Variants in RNF38 observed in about 807,000 individuals in gnomAD.
RNF38 encodes the protein E3 ubiquitin-protein ligase RNF38.
Under a neutral mutation model 67.2 loss-of-function variants are expected in RNF38, and 15 were observed. The observed-to-expected ratio is 0.22, with a 90% CI of 0.15 to 0.34. The LOEUF is 0.34. Among genes scored for constraint, RNF38 ranks in the 10% least tolerant of loss-of-function variants. The pLI, the probability that RNF38 is intolerant of heterozygous loss-of-function variation, is 1.00. For synonymous variants in RNF38, 220 were observed against 218.8 expected, an observed-to-expected ratio of 1.01 and a Z score of -0.05; for missense variants, 524 against 639.9, an observed-to-expected ratio of 0.82 and a Z score of 1.95.
Position 36,449,644 on chromosome 9 carries a change from C to T in RNF38, n.242-24961G>A, listed in dbSNP as rs145687342. On this transcript the variant is annotated intron_variant and non_coding_transcript_variant, in intron 1 of 3. Transcript: ENST00000488058. ...TAGAGACGGGGTTTCACCGTGTTAG[C>T]CAGGATGGTCTCGATCTCCGAATCT... Among the ~76,000 whole-genome samples the T allele has an allele frequency of 2.5e-3, 387 of 152,220 alleles. 2 individuals carry two copies. Among genetic ancestry groups the T allele is most frequent in the African/African-American group, 8.0e-3 (334 of 41,562 alleles).
At chr9:36,408,900 C>T (rs1838247565) in intron 2 of RNF38, among the ~76,000 whole-genome samples, 1 of 152,108 alleles carries the variant, frequency 6.6e-6, no homozygotes, top group Non-Finnish European at 1.5e-5. Context: ...TGATGTTATG[C>T]ACATGGCCGG....
chr9:36,465,404 T>C (rs1166846039), intron 1 of RNF38, among the ~76,000 whole-genome samples: 1 of 152,144 alleles, frequency 6.6e-6, no homozygotes, highest in Non-Finnish European at 1.5e-5. Context: ...TGGAGTGCAA[T>C]GGCACAATCT....
intron 1 of RNF38, among the ~76,000 whole-genome samples, chr9:36,451,889 G>A (rs1839459268): frequency 6.6e-6 from 1 of 152,052 alleles, no homozygotes; most frequent in South Asian, 2.1e-4. Flanking sequence ...ATTAGTTGAT[G>A]TGGATCCTAA....
intron 2 of RNF38, among the ~76,000 whole-genome samples, chr9:36,380,199 AC>A (rs1836105943): frequency 6.6e-6 from 1 of 152,172 alleles, no homozygotes; most frequent in African/African-American, 2.4e-5. Context: ...AATATAACAT[AC>A]TTTTTTGCTT....
At chr9:36,365,662 GTTTTTT>G (rs759974775) in intron 4 of RNF38, among the ~76,000 whole-genome samples, 2 of 103,600 alleles carry the variant, frequency 1.9e-5, no homozygotes, top group Non-Finnish European at 3.5e-5. Context: ...AAGACTGATA[GTTTTTT>G]TTTTTTTTTT....
At chr9:36,372,418 CTTT>C (rs1160564830) in intron 3 of RNF38, 6 of 601,450 alleles carry the variant, frequency 1.0e-5, no homozygotes, top group Non-Finnish European at 1.8e-5. Flanking sequence ...ATTCACAGTT[CTTT>C]GTTTTATTGC....
chr9:36,344,183 T>G (rs1833048249), intron 10 of RNF38, among the ~76,000 whole-genome samples: 1 of 151,912 alleles, frequency 6.6e-6, no homozygotes, highest in Non-Finnish European at 1.5e-5. Flanking sequence ...TCCAGCTAAT[T>G]TTTGTATTTT....
intron 1 of RNF38, among the ~76,000 whole-genome samples, chr9:36,434,549 C>A (rs560927158): frequency 6.6e-6 from 1 of 152,262 alleles, no homozygotes; most frequent in East Asian, 1.9e-4. Context: ...CCAGGCATGC[C>A]TGGCTAATTT....
Position 36,383,833 on chromosome 9 carries a change from A to G in RNF38, c.162+6634T>C, listed in dbSNP as rs1365612836. 2.6e-5 allele frequency among the ~76,000 whole-genome samples: 4 copies of G among 152,064 alleles called. No individual in the cohort carries two copies. In the East Asian group the frequency reaches 5.8e-4, roughly 22 times the overall value. ...TTTTTTTTTTTTTAAACCGAAGCCC[A>G]AAGAAAATAACAGTTTGATATGCAG... is the stretch of plus-strand genomic sequence containing the variant. On this transcript the variant is annotated intron_variant, in intron 2 of 11. Coordinates refer to ENST00000259605, the MANE Select transcript of RNF38 (RefSeq NM_022781.5).
upstream of RNF38, chr9:36,487,623 G>GC: frequency 1.0e-6 from 1 of 969,576 alleles, no homozygotes; most frequent in Non-Finnish European, 1.2e-6. Flanking sequence ...CGCTGGCTGG[G>GC]CCCCGGCCGG....
intron 1 of RNF38, among the ~76,000 whole-genome samples, chr9:36,440,642 G>T (rs961528631): frequency 6.6e-6 from 1 of 152,064 alleles, no homozygotes; most frequent in Admixed American, 6.6e-5. Flanking sequence ...AATAAATAAG[G>T]CCCTGTTATC....
intron 2 of RNF38, among the ~76,000 whole-genome samples, chr9:36,407,417 C>A (rs1838208756): frequency 6.6e-6 from 1 of 152,104 alleles, no homozygotes; most frequent in South Asian, 2.1e-4. Flanking sequence ...TGTGAAGGGG[C>A]TAAAGCAGGT....
intron 1 of RNF38, among the ~76,000 whole-genome samples, chr9:36,474,644 T>A (rs900923671): frequency 6.7e-6 from 1 of 148,260 alleles, no homozygotes; most frequent in Admixed American, 6.7e-5. Context: ...ACAATAAGTA[T>A]AATATGAGTC....
At chr9:36,427,439 C>A (rs1838801143) in intron 1 of RNF38, among the ~76,000 whole-genome samples, 1 of 152,038 alleles carries the variant, frequency 6.6e-6, no homozygotes, top group African/African-American at 2.4e-5. Context: ...GAAACCTAAC[C>A]CCAAATGTAA....
chr9:36,361,106 C>T (rs1230946726), intron 4 of RNF38, among the ~76,000 whole-genome samples: 4 of 151,792 alleles, frequency 2.6e-5, no homozygotes, highest in Non-Finnish European at 4.4e-5. Flanking sequence ...CATGAACCAC[C>T]GCGCTTGGCC....
At chr9:36,368,840 T>A (rs911277817) in intron 4 of RNF38, among the ~76,000 whole-genome samples, 1 of 152,148 alleles carries the variant, frequency 6.6e-6, no homozygotes, top group South Asian at 2.1e-4. Context: ...TTCCCCCTTA[T>A]CCTTAAAATC....
intron 2 of RNF38, among the ~76,000 whole-genome samples, chr9:36,376,730 G>A (rs1419450453): frequency 7.9e-5 from 12 of 151,752 alleles, no homozygotes; most frequent in South Asian, 6.2e-4. Flanking sequence ...GTTCGAGACC[G>A]GCCTGGCCAA....
chr9:36,435,991 A>G (rs1839057308), intron 1 of RNF38, among the ~76,000 whole-genome samples: 1 of 152,180 alleles, frequency 6.6e-6, no homozygotes. Flanking sequence ...TTTTGTATCC[A>G]TGAGAACCTA....
At chr9:36,383,807 GTTTT>G (rs112648686) in intron 2 of RNF38, among the ~76,000 whole-genome samples, 2 of 145,726 alleles carry the variant, frequency 1.4e-5, no homozygotes, top group Non-Finnish European at 3.0e-5. Context: ...TACGTGCCAA[GTTTT>G]TTTTTTTTTA....
Sources: gnomAD v4.1 joint callset for allele counts (sites outside exome capture counted in the v4.1 genomes callset) on GRCh38, gnomAD v4.1.1 for gene constraint, MANE v1.5 for transcripts, NCBI Gene and HGNC (gene_info 2026-07-23, HGNC 2026-07-21) for gene names.